Variants in KIAA2012 observed in about 807,000 individuals in gnomAD.
The protein encoded by KIAA2012 is KIAA2012.
Under a neutral mutation model 150.6 loss-of-function variants are expected in KIAA2012, and 125 were observed. That is an observed-to-expected ratio of 0.83 (90% CI 0.72 to 0.96). KIAA2012 has a LOEUF of 0.96. KIAA2012 is among the 40% of genes least tolerant of loss of function. KIAA2012 has a pLI of 0.00. For synonymous variants in KIAA2012, 462 were observed against 504.7 expected, an observed-to-expected ratio of 0.92 and a Z score of 1.13; for missense variants, 1,219 against 1,354.9, an observed-to-expected ratio of 0.90 and a Z score of 1.57.
Position 202,202,447 on chromosome 2 carries a change from G to GA in KIAA2012, c.3429dup (p.His1144ThrfsTer10). Reference sequence around the variant, plus strand: ...TCCTTAGGCAAAAAGCTGCTTTGGAGAAACATTTTCATTTCTATCAAGAAC... The same window carrying GA: ...TCCTTAGGCAAAAAGCTGCTTTGGAGAAAACATTTTCATTTCTATCAAGAAC... On this transcript the variant is annotated frameshift_variant, in exon 23 of 24. Transcript: ENST00000498697. LOFTEE classifies it high-confidence loss of function. 2.5e-6 allele frequency: 1 copy of GA among 399,740 alleles called. No homozygotes were observed. 24.8% of individuals were successfully genotyped at this position (399,740 alleles called of 1,614,324 possible).
intron 12 of KIAA2012, among the ~76,000 whole-genome samples, chr2:202,131,765 G>A (rs566384829): frequency 2.4e-4 from 36 of 152,342 alleles, no homozygotes; most frequent in African/African-American, 8.4e-4. Context: ...GAGCATGGCA[G>A]CATGGAGAAA....
chr2:202,143,442 T>TAA lies in KIAA2012; in HGVS notation c.1908+4945_1908+4946dup, dbSNP rs11442295. Among the ~76,000 whole-genome samples the TAA allele has an allele frequency of 2.5e-3, 359 of 145,724 alleles. 3 individuals carry two copies. The highest frequency in any genetic ancestry group is 6.2e-3 in the African/African-American group (248 of 39,694). On this transcript the variant is annotated intron_variant, in intron 13 of 23. Transcript: ENST00000498697. ...TAAGTCAACTATGACTGCAACTATG[T>TAA]AAAAAAAAAAAATGTATCTATTCGG... is the stretch of plus-strand genomic sequence containing the variant.
Position 202,097,675 on chromosome 2 carries a change from C to T in KIAA2012, c.828+98C>T, listed in dbSNP as rs756222114. On this transcript the variant is annotated intron_variant, in intron 5 of 23. Transcript: ENST00000498697. Reference sequence around the variant, plus strand: ...CAGAATTTTGGCTCACTGCAACCTCCGCCTCCTGGGTTCAAGCATTTCTCC... The same window carrying T: ...CAGAATTTTGGCTCACTGCAACCTCTGCCTCCTGGGTTCAAGCATTTCTCC... 1.0e-4 allele frequency: 140 copies of T among 1,346,364 alleles called. 1 individual carries two copies. In the Middle Eastern group the frequency reaches 3.7e-3, roughly 35 times the overall value. 83.4% of individuals were successfully genotyped at this position (1,346,364 alleles called of 1,614,324 possible).
At chr2:202,090,953 G>A in intron 3 of KIAA2012, 24 bp downstream of exon 3, 5 of 1,526,362 alleles carry the variant, frequency 3.3e-6, no homozygotes, top group Non-Finnish European at 4.4e-6. Flanking sequence ...TGGGAGGGGG[G>A]CACACCCCAA....
In KIAA2012 at chr2:202,194,175, C is replaced by G. The variant is rs1194624037; in HGVS notation, c.3015-15C>G. ...TGTTTTCTGCCATTTCCCTGACCAT[C>G]TTGGGTTTTCTCAGCTTGAGGAAAC... On this transcript the variant is annotated splice_polypyrimidine_tract_variant and intron_variant, in intron 20 of 23. Transcript: ENST00000498697. 4.5e-6 allele frequency: 7 copies of G among 1,550,100 alleles called. No individual in the cohort carries two copies. Among genetic ancestry groups the G allele is most frequent in the African/African-American group, 2.7e-5 (2 of 73,028 alleles).
chr2:202,133,496 A>G (rs951186268), intron 12 of KIAA2012, among the ~76,000 whole-genome samples: 1 of 152,174 alleles, frequency 6.6e-6, no homozygotes, highest in Non-Finnish European at 1.5e-5. Context: ...CTAAAAAGAT[A>G]TAAGTAAAAG....
At chr2:202,153,730 C>T (rs1436341840) in intron 13 of KIAA2012, among the ~76,000 whole-genome samples, 1 of 152,220 alleles carries the variant, frequency 6.6e-6, no homozygotes, top group Non-Finnish European at 1.5e-5. Context: ...TGGATGTGCA[C>T]TCTTCATGAG....
intron 11 of KIAA2012, among the ~76,000 whole-genome samples, chr2:202,124,482 A>G (rs1690732020): frequency 6.6e-6 from 1 of 151,696 alleles, no homozygotes; most frequent in Non-Finnish European, 1.5e-5. Context: ...CTGGTCCAAC[A>G]CTCTGTTTGT....
In KIAA2012 at chr2:202,144,630, T is replaced by C. The variant is rs577369583; in HGVS notation, c.1908+6122T>C. ...AAGCCGTACCCTACCCTGCCTTCTA[T>C]AAGGCTGTTATCTGCCTTTGTATCC... On this transcript the variant is annotated intron_variant, in intron 13 of 23. Transcript: ENST00000498697. 4.6e-5 allele frequency among the ~76,000 whole-genome samples: 7 copies of C among 152,350 alleles called. No homozygotes were observed. The South Asian group carries it at 1.4e-3, about 32-fold the overall frequency.
chr2:202,144,795 T>TA (rs1691264975), intron 13 of KIAA2012, among the ~76,000 whole-genome samples: 1 of 152,164 alleles, frequency 6.6e-6, no homozygotes, highest in Admixed American at 6.5e-5. Flanking sequence ...AGTTCGAAAC[T>TA]AGCCAGGGCA....
intron 13 of KIAA2012, among the ~76,000 whole-genome samples, chr2:202,147,858 C>T (rs1253389852): frequency 1.3e-5 from 2 of 152,094 alleles, no homozygotes; most frequent in East Asian, 1.9e-4. Flanking sequence ...CACCCCTCGA[C>T]GTCCCATCTC....
Position 202,102,976 on chromosome 2 carries a change from T to G in KIAA2012, c.1186T>G (p.Ser396Ala), listed in dbSNP as rs1418252162. ...APKALKLPPISEEPPRVLEPL... is the reference protein window; with the variant it reads ...APKALKLPPIAEEPPRVLEPL... The stretch of plus-strand genomic sequence containing the variant: ...AAAGGCTTTGAAATTACCTCCTATC[T>G]CAGAAGAACCACCCAGAGTCTTGGA... Residue 396 changes from serine to alanine, a missense_variant, in exon 8 of 24, where the codon TCA becomes GCA. By Grantham distance (99) the Ser-to-Ala change is moderately conservative. Transcript: ENST00000498697. 3.2e-6 allele frequency: 5 copies of G among 1,550,380 alleles called. No homozygotes were observed. Among genetic ancestry groups the G allele is most frequent in the Non-Finnish European group, 4.4e-6 (5 of 1,146,928 alleles).
At chr2:202,155,326 A>G (rs139288615) in intron 14 of KIAA2012, among the ~76,000 whole-genome samples, 235 of 152,290 alleles carry the variant, frequency 1.5e-3, no homozygotes, top group Non-Finnish European at 2.7e-3. Context: ...GAGGGTTTCT[A>G]TAGTGAGGGT....
Position 202,194,245 on chromosome 2 carries a change from A to C in KIAA2012, c.3070A>C (p.Lys1024Gln), listed in dbSNP as rs1574316852. 1 of 1,550,606 alleles carries C rather than the reference A, an allele frequency of 6.4e-7. No homozygotes were observed. The highest frequency in any genetic ancestry group is 8.7e-7 in the Non-Finnish European group (1 of 1,147,012). ...GCAGCGGCAGGAGGAGGAGGAGAGAAAGCAGCAGCTCCGGTTGAAAGCAGC... is the reference window on the plus strand; with the variant it reads ...GCAGCGGCAGGAGGAGGAGGAGAGACAGCAGCAGCTCCGGTTGAAAGCAGC... Reference protein sequence around the residue: ...EQQRQEEEERKQQLRLKAAQE... With the variant: ...EQQRQEEEERQQQLRLKAAQE... Residue 1024 changes from lysine (K) to glutamine (Q), a missense_variant, in exon 21 of 24, where the codon AAG becomes CAG. By Grantham distance (53) the Lys-to-Gln change is moderately conservative (BLOSUM62 1). Coordinates refer to ENST00000498697, the MANE Select transcript of KIAA2012 (RefSeq NM_001277372.4).
intron 9 of KIAA2012, among the ~76,000 whole-genome samples, chr2:202,106,683 T>C (rs1381782900): frequency 6.9e-6 from 1 of 145,246 alleles, no homozygotes; most frequent in Admixed American, 6.8e-5. Flanking sequence ...CAAGACCCTG[T>C]CTAAAAATAA....
intron 2 of KIAA2012, among the ~76,000 whole-genome samples, chr2:202,081,258 A>T (rs150293215): frequency 2.0e-3 from 306 of 152,328 alleles, no homozygotes; most frequent in Admixed American, 4.0e-3. Context: ...CCATCAACAG[A>T]CACTTAAGTT....
At chr2:202,147,701 A>G (rs1464224735) in intron 13 of KIAA2012, among the ~76,000 whole-genome samples, 1 of 152,060 alleles carries the variant, frequency 6.6e-6, no homozygotes, top group Non-Finnish European at 1.5e-5. Flanking sequence ...TTCACAGTGG[A>G]ATCAGTTTGC....
intron 12 of KIAA2012, among the ~76,000 whole-genome samples, chr2:202,134,037 A>T (rs373779511): frequency 2.6e-4 from 39 of 152,302 alleles, no homozygotes; most frequent in African/African-American, 9.1e-4. Flanking sequence ...TTATGACCAA[A>T]AAAACACAAA....
intron 10 of KIAA2012, among the ~76,000 whole-genome samples, chr2:202,111,175 T>A (rs1187778434): frequency 6.6e-6 from 1 of 151,992 alleles, no homozygotes; most frequent in African/African-American, 2.4e-5. Context: ...ACTTTAGACA[T>A]CCTTATAAAG....
Sources: allele counts gnomAD v4.1 joint callset (sites outside exome capture counted in the v4.1 genomes callset), GRCh38; gene constraint gnomAD v4.1.1; transcripts MANE v1.5; gene names NCBI Gene and HGNC (gene_info 2026-07-23, HGNC 2026-07-21).